The following ANKRD45 variants were observed in gnomAD, a reference collection of about 807,000 sequenced individuals.
ANKRD45 encodes the protein ankyrin repeat domain-containing protein 45.
A neutral mutation model predicts 28.1 loss-of-function variants in ANKRD45; 21 were observed. The ratio of observed to expected loss-of-function variants is 0.75; its 90% CI spans 0.53 to 1.08. The LOEUF (loss-of-function observed/expected upper bound fraction) is 1.08. ANKRD45 is among the 50% of genes least tolerant of loss of function. The pLI, the probability that ANKRD45 is intolerant of heterozygous loss-of-function variation, is 0.00. For synonymous variants in ANKRD45, 86 were observed against 103.9 expected (o/e 0.83, Z 1.05); for missense variants, 261 against 308.7 (o/e 0.85, Z 1.16).
chr1:173,685,825 G>T, the ANKRD45 span, among the ~76,000 whole-genome samples: 1 of 152,116 alleles, frequency 6.6e-6, no homozygotes, highest in Non-Finnish European at 1.5e-5. Context: ...GAAGGGAACC[G>T]GCTTAGAAAA....
In ANKRD45 at chr1:173,662,728, A is replaced by G. The variant is rs142471500; in HGVS notation, c.-15-3295T>C. The stretch of plus-strand genomic sequence containing the variant: ...ATCCCTCTTAAGGGGAAAGCAAAAC[A>G]AAAATCTTTTCTAACAAGTCCCAAC... On this transcript the variant is annotated intron_variant, in intron 1 of 5. Coordinates refer to ENST00000333279, the MANE Select transcript of ANKRD45 (RefSeq NM_198493.3). Among the ~76,000 whole-genome samples the G allele has an allele frequency of 4.0e-3, 614 of 152,290 alleles. 16 individuals are homozygous for G. Among genetic ancestry groups the G allele is most frequent in the Admixed American group, 0.034 (516 of 15,292 alleles).
intron 5 of ANKRD45, among the ~76,000 whole-genome samples, chr1:173,612,213 G>T (rs1667185415): frequency 6.6e-6 from 1 of 151,616 alleles, no homozygotes; most frequent in African/African-American, 2.4e-5. Context: ...CCACTGCACT[G>T]CAGCCTGGGC....
rs571393840 is a variant in ANKRD45, at chr1:173,651,685, C to T, written c.329-4672G>A. 4.6e-5 allele frequency among the ~76,000 whole-genome samples: 7 copies of T among 152,262 alleles called. No individual in the cohort carries two copies. In the South Asian group the frequency reaches 1.5e-3, roughly 32 times the overall value. ...CATTGAATCTATAAATCACCTTGAG[C>T]AGTATGGCCATTTTCACGATATTGA... On this transcript the variant is annotated intron_variant, in intron 2 of 5. Transcript: ENST00000333279.
intron 3 of ANKRD45, among the ~76,000 whole-genome samples, chr1:173,627,642 A>G (rs1369078332): frequency 1.3e-5 from 2 of 152,120 alleles, no homozygotes; most frequent in Non-Finnish European, 2.9e-5. Context: ...AGCAGGCCCC[A>G]CCACTACAGG....
rs1042869765 is a variant in ANKRD45 at position 173,609,070 on chromosome 1, G to A, written c.*1075C>T. Among the ~76,000 whole-genome samples the A allele has an allele frequency of 5.9e-5, 9 of 151,456 alleles. No homozygotes were observed. The highest frequency in any genetic ancestry group is 1.2e-4 in the Non-Finnish European group (8 of 67,926). ...CTGCTCCATAAACACCCACTGGGTC[G>A]GCCAAAAAGGTGGCTGAAAGTTATT... On this transcript the variant is annotated 3_prime_UTR_variant, in exon 6 of 6. Coordinates refer to ENST00000333279, the MANE Select transcript of ANKRD45 (RefSeq NM_198493.3).
intron 2 of ANKRD45, among the ~76,000 whole-genome samples, chr1:173,652,197 G>C (rs1209320562): frequency 1.3e-5 from 2 of 152,094 alleles, no homozygotes; most frequent in East Asian, 3.9e-4. Flanking sequence ...AATGCTTCCA[G>C]TTTTTGCCCA....
At position 173,627,140 on chromosome 1, in the gene ANKRD45, T is replaced by G. The variant is rs369632719; in HGVS notation, c.516A>C (p.Lys172Asn). Reference sequence around the variant, plus strand: ...CTAAAGAGACTTTTGCAATATATTTTTTCAGAGTCAGCCTTGCATCTGAAA... The same window carrying G: ...CTAAAGAGACTTTTGCAATATATTTGTTCAGAGTCAGCCTTGCATCTGAAA... ...LDWADARLTLKKYIAKVSLAV... is the reference protein window; with the variant it reads ...LDWADARLTLNKYIAKVSLAV... The change falls in exon 4 of 6, where the codon AAA (lysine) becomes AAC (asparagine). Residue 172 changes from lysine to asparagine, a missense_variant. Transcript: ENST00000333279. 4 of 1,612,388 alleles carry G rather than the reference T, an allele frequency of 2.5e-6. No homozygotes were observed. In the African/African-American group the frequency reaches 4.0e-5, roughly 16 times the overall value.
At chr1:173,636,721 C>T in intron 3 of ANKRD45, 1 of 809,868 alleles carries the variant, frequency 1.2e-6, no homozygotes, top group African/African-American at 1.7e-5. Flanking sequence ...GGTTTGTTTA[C>T]ATATTTAGAA....
the ANKRD45 span, among the ~76,000 whole-genome samples, chr1:173,675,850 T>A: frequency 2.6e-5 from 4 of 152,238 alleles, no homozygotes; most frequent in African/African-American, 9.6e-5. Context: ...AATTTTATTT[T>A]ACATAGGCAT....
the ANKRD45 span, among the ~76,000 whole-genome samples, chr1:173,679,404 C>T: frequency 2.0e-5 from 3 of 152,308 alleles, 1 homozygote; most frequent in African/African-American, 7.2e-5. Flanking sequence ...ACATCTACAA[C>T]CATCTGATCT....
chr1:173,627,702 G>A (rs1270822606), intron 3 of ANKRD45, among the ~76,000 whole-genome samples: 3 of 152,046 alleles, frequency 2.0e-5, no homozygotes, highest in South Asian at 2.1e-4. Flanking sequence ...TCTAGGCCAC[G>A]AGGGCTGCAA....
chr1:173,691,718 CA>C, the ANKRD45 span, among the ~76,000 whole-genome samples: 3 of 152,172 alleles, frequency 2.0e-5, no homozygotes, highest in African/African-American at 7.2e-5. Flanking sequence ...ACCCGGAAGA[CA>C]GAGCTTGCAG....
At chr1:173,682,627 T>C in the ANKRD45 span, among the ~76,000 whole-genome samples, 2 of 138,690 alleles carry the variant, frequency 1.4e-5, no homozygotes, top group African/African-American at 5.5e-5. Flanking sequence ...TTTGCTCAAA[T>C]AAAAAGAAAA....
At chr1:173,695,877 C>T in the ANKRD45 span, among the ~76,000 whole-genome samples, 1 of 152,128 alleles carries the variant, frequency 6.6e-6, no homozygotes, top group Non-Finnish European at 1.5e-5. Flanking sequence ...CAAGGAAATT[C>T]CCACCCAGTA....
the ANKRD45 span, among the ~76,000 whole-genome samples, chr1:173,703,425 C>G: frequency 6.6e-6 from 1 of 151,940 alleles, no homozygotes. Context: ...AGGCTGGTCT[C>G]GAACTCCTGA....
intron 2 of ANKRD45, among the ~76,000 whole-genome samples, chr1:173,653,833 A>T (rs1669357596): frequency 6.7e-6 from 1 of 149,802 alleles, no homozygotes; most frequent in Non-Finnish European, 1.5e-5. Context: ...TGTTGAATTG[A>T]TCCCTTTACC....
At chr1:173,617,395 G>A (rs1347984033) in intron 5 of ANKRD45, among the ~76,000 whole-genome samples, 1 of 152,238 alleles carries the variant, frequency 6.6e-6, no homozygotes, top group Non-Finnish European at 1.5e-5. Flanking sequence ...GTAGAGGCAG[G>A]TGCCATCCAT....
At chr1:173,694,410 CGCCTCAGTCTCCCAAA>C in the ANKRD45 span, among the ~76,000 whole-genome samples, 1 of 152,056 alleles carries the variant, frequency 6.6e-6, no homozygotes, top group East Asian at 1.9e-4. Flanking sequence ...ATGATCCACC[CGCCTCAGTCTCCCAAA>C]GTGCTGGGAT....
intron 2 of ANKRD45, among the ~76,000 whole-genome samples, chr1:173,651,126 G>T (rs923419519): frequency 1.3e-5 from 2 of 152,164 alleles, no homozygotes; most frequent in Non-Finnish European, 2.9e-5. Context: ...TTGGGCTTTT[G>T]TTGCCATTGC....
Sources: gnomAD v4.1 joint callset for allele counts (sites outside exome capture counted in the v4.1 genomes callset) on GRCh38, gnomAD v4.1.1 for gene constraint, MANE v1.5 for transcripts, NCBI Gene and HGNC (gene_info 2026-07-23, HGNC 2026-07-21) for gene names.